The following CTNND2 variants were observed in gnomAD, a reference collection of about 807,000 sequenced individuals.
The protein encoded by CTNND2 is catenin delta 2.
In CTNND2, 22 loss-of-function variants were observed where a neutral mutation model predicts 144.4. The observed-to-expected ratio is 0.15, with a 90% CI of 0.11 to 0.22. The LOEUF is 0.22. CTNND2 is among the 10% of genes least tolerant of loss of function. The pLI is 1.00. For synonymous variants in CTNND2, 751 were observed against 695.6 expected (o/e 1.08, Z -1.25); for missense variants, 1,353 against 1,618.8 (o/e 0.84, Z 2.82).
chr5:11,808,656 T>C (rs561127645), intron 1 of CTNND2, among the ~76,000 whole-genome samples: 1 of 152,300 alleles, frequency 6.6e-6, no homozygotes, highest in South Asian at 2.1e-4. Context: ...CTGCTTTCTT[T>C]CTTCTCTCTA....
chr5:11,221,735 CAG>C (rs1739816954), intron 10 of CTNND2, among the ~76,000 whole-genome samples: 1 of 152,102 alleles, frequency 6.6e-6, no homozygotes, highest in South Asian at 2.1e-4. Context: ...AAGAAAATGA[CAG>C]ATAAACAAGG....
chr5:11,274,040 T>C (rs1166554005), intron 9 of CTNND2, among the ~76,000 whole-genome samples: 2 of 152,206 alleles, frequency 1.3e-5, no homozygotes, highest in African/African-American at 4.8e-5. Context: ...TCCTGCTTCA[T>C]GCTCTCCTTG....
intron 12 of CTNND2, among the ~76,000 whole-genome samples, chr5:11,142,252 T>C (rs1014248456): frequency 1.1e-4 from 16 of 152,230 alleles, no homozygotes; most frequent in Admixed American, 9.8e-4. Context: ...CCAATACTAA[T>C]GTACTCTAGC....
intron 12 of CTNND2, among the ~76,000 whole-genome samples, chr5:11,138,233 G>A (rs552005194): frequency 1.3e-5 from 2 of 152,204 alleles, no homozygotes; most frequent in Non-Finnish European, 2.9e-5. Flanking sequence ...TCCAGCCAGA[G>A]AACATTCTCT....
intron 1 of CTNND2, among the ~76,000 whole-genome samples, chr5:11,824,652 G>A (rs1029634617): frequency 3.3e-5 from 5 of 152,138 alleles, no homozygotes; most frequent in African/African-American, 4.8e-5. Flanking sequence ...CAGAGATGCC[G>A]ACGAGGTCCT....
rs144342188 is a variant in CTNND2, at chr5:11,845,476, A to T, written c.37+58341T>A. On this transcript the variant is annotated intron_variant, in intron 1 of 21. Transcript: ENST00000304623. The stretch of plus-strand genomic sequence containing the variant: ...GAGTAGGATAGGCTTCTAGTCCAAT[A>T]TGACTAGTGTCCTTAAGAAAAGGAG... 2.5e-4 allele frequency among the ~76,000 whole-genome samples: 38 copies of T among 152,278 alleles called. No homozygotes were observed. The East Asian group carries it at 2.9e-3, about 12-fold the overall frequency.
intron 1 of CTNND2, among the ~76,000 whole-genome samples, chr5:11,749,194 A>G (rs759418767): frequency 1.9e-4 from 29 of 152,056 alleles, no homozygotes; most frequent in Non-Finnish European, 2.1e-4. Context: ...CTGAAACATT[A>G]GAGGAAACTT....
chr5:11,817,505 G>C (rs1202094374), intron 1 of CTNND2, among the ~76,000 whole-genome samples: 3 of 147,144 alleles, frequency 2.0e-5, no homozygotes, highest in Non-Finnish European at 4.5e-5. Context: ...GGTCAGCATA[G>C]CACCAACACA....
chr5:11,101,924 T>TGTGTGTGTG (rs56315636), intron 14 of CTNND2, among the ~76,000 whole-genome samples: 10 of 151,550 alleles, frequency 6.6e-5, no homozygotes, highest in South Asian at 2.1e-4. Context: ...TGTGTGTGTG[T>TGTGTGTGTG]TTACATCTTC....
intron 5 of CTNND2, among the ~76,000 whole-genome samples, chr5:11,400,296 G>A (rs1345715283): frequency 6.6e-6 from 1 of 152,110 alleles, no homozygotes; most frequent in African/African-American, 2.4e-5. Context: ...AGGGAAACAG[G>A]CTATTGTCTT....
chr5:11,029,835 G>A (rs1408010439), intron 16 of CTNND2, among the ~76,000 whole-genome samples: 2 of 152,186 alleles, frequency 1.3e-5, no homozygotes, highest in Non-Finnish European at 2.9e-5. Context: ...AATTGCCCAT[G>A]TATTTATCTC....
chr5:11,272,310 T>C (rs1274591031), intron 9 of CTNND2, among the ~76,000 whole-genome samples: 1 of 152,234 alleles, frequency 6.6e-6, no homozygotes. Flanking sequence ...TTATGATATA[T>C]TCATTAGTCT....
chr5:10,976,573 C>G (rs1349407680), intron 21 of CTNND2, among the ~76,000 whole-genome samples: 1 of 152,294 alleles, frequency 6.6e-6, no homozygotes, highest in Admixed American at 6.5e-5. Context: ...GCAGCTCACT[C>G]CAGGGTCAAT....
chr5:11,652,130 G>A lies in CTNND2; in HGVS notation c.174+80006C>T, dbSNP rs148022426. On this transcript the variant is annotated intron_variant, in intron 2 of 21. Transcript: ENST00000304623. ...CAAATTGTAATCCCCAATGTTGGAG[G>A]TGGGTCTTGGTTGGGGGTAACTGGA... Among the ~76,000 whole-genome samples, 183 of 152,252 alleles carry A rather than the reference G, an allele frequency of 1.2e-3. 1 individual carries two copies. Among genetic ancestry groups the A allele is most frequent in the African/African-American group, 4.1e-3 (172 of 41,552 alleles).
intron 3 of CTNND2, among the ~76,000 whole-genome samples, chr5:11,557,319 A>G (rs2150094413): frequency 6.6e-6 from 1 of 152,296 alleles, no homozygotes; most frequent in East Asian, 1.9e-4. Context: ...CAAGGCTATC[A>G]TCAAAATTTC....
intron 1 of CTNND2, among the ~76,000 whole-genome samples, chr5:11,752,971 C>T (rs1788711706): frequency 6.6e-6 from 1 of 151,482 alleles, no homozygotes; most frequent in Admixed American, 6.6e-5. Context: ...TTCATTTGAC[C>T]CTCAGCTTGG....
At chr5:11,138,801 C>A (rs538282369) in intron 12 of CTNND2, among the ~76,000 whole-genome samples, 2 of 152,266 alleles carry the variant, frequency 1.3e-5, no homozygotes, top group African/African-American at 4.8e-5. Context: ...GTCATGAGAG[C>A]TCTGCTCCAT....
At chr5:11,271,391 G>T (rs1479071501) in intron 9 of CTNND2, among the ~76,000 whole-genome samples, 1 of 151,962 alleles carries the variant, frequency 6.6e-6, no homozygotes, top group Non-Finnish European at 1.5e-5. Context: ...GGCAATTTGG[G>T]TAACACTTAG....
intron 2 of CTNND2, chr5:11,588,817 T>TA (rs1340495264): frequency 5.1e-6 from 5 of 985,198 alleles, no homozygotes; most frequent in African/African-American, 1.7e-5. Flanking sequence ...GTCCCAAAGA[T>TA]GAAGGGTTAC....
Sources: allele counts gnomAD v4.1 joint callset (sites outside exome capture counted in the v4.1 genomes callset), GRCh38; gene constraint gnomAD v4.1.1; transcripts MANE v1.5; gene names NCBI Gene and HGNC (gene_info 2026-07-23, HGNC 2026-07-21).